The following NXPE4 variants were observed in gnomAD, a reference collection of about 807,000 sequenced individuals.
NXPE4 encodes the protein NXPE family member 4.
A neutral mutation model predicts 33.3 loss-of-function variants in NXPE4; 42 were observed. The ratio of observed to expected loss-of-function variants is 1.26; its 90% CI spans 0.98 to 1.63. NXPE4 has a LOEUF of 1.63. NXPE4 is among the 40% of genes most tolerant of loss of function. The pLI, the probability that NXPE4 is intolerant of heterozygous loss-of-function variation, is 0.00. For synonymous variants in NXPE4, 253 were observed against 234.9 expected (o/e 1.08, Z -0.71); for missense variants, 709 against 647.6 (o/e 1.09, Z -1.03).
rs184148077 is a variant in NXPE4 at position 114,580,305 on chromosome 11, A to C, written c.926T>G (p.Phe309Cys). The change falls in exon 5 of 6, where the codon TTT (phenylalanine) becomes TGT (cysteine). Residue 309 changes from phenylalanine to cysteine, a missense_variant. Physicochemically the swap from Phe to Cys is radical, Grantham distance 205. Coordinates refer to ENST00000375478, the MANE Select transcript of NXPE4 (RefSeq NM_001077639.2). ...ACTGGGGATTGTGGATGTCATTCCA[A>C]ACTTGCATTTCTCTTTCATTGCAAC... ...ETVAMKEKCK[F>C]GMTSTIPSGH... 2 of 1,614,046 alleles carry C rather than the reference A, an allele frequency of 1.2e-6. No homozygotes were observed. The highest frequency in any genetic ancestry group is 3.3e-5 in the Admixed American group (2 of 60,022).
the NXPE4 span, among the ~76,000 whole-genome samples, chr11:114,632,433 T>C: frequency 1.5e-5 from 2 of 130,646 alleles, no homozygotes; most frequent in Non-Finnish European, 3.1e-5. Flanking sequence ...TAAATATAAA[T>C]ATATAATATA....
chr11:114,599,342 G>A (rs926273053), upstream of NXPE4, among the ~76,000 whole-genome samples: 1 of 152,052 alleles, frequency 6.6e-6, no homozygotes, highest in African/African-American at 2.4e-5. Flanking sequence ...GTATTTTGGT[G>A]GCAACAATTT....
At chr11:114,652,089 A>G in the NXPE4 span, among the ~76,000 whole-genome samples, 2 of 152,146 alleles carry the variant, frequency 1.3e-5, no homozygotes, top group African/African-American at 2.4e-5. Flanking sequence ...CCAATACTTA[A>G]ATTTTTTTTT....
chr11:114,656,368 A>G, the NXPE4 span, among the ~76,000 whole-genome samples: 9 of 152,198 alleles, frequency 5.9e-5, no homozygotes, highest in South Asian at 1.9e-3. Context: ...AGTAATTTAT[A>G]GATTCAGTGC....
chr11:114,625,527 A>G, the NXPE4 span, among the ~76,000 whole-genome samples: 1 of 151,560 alleles, frequency 6.6e-6, no homozygotes, highest in Non-Finnish European at 1.5e-5. Context: ...GATAATAAGT[A>G]TTGCCTCATG....
chr11:114,653,805 G>A, the NXPE4 span, among the ~76,000 whole-genome samples: 1 of 151,994 alleles, frequency 6.6e-6, no homozygotes, highest in Non-Finnish European at 1.5e-5. Context: ...TGGGATTACA[G>A]GCGTGAGCCA....
chr11:114,663,204 GC>G, the NXPE4 span, among the ~76,000 whole-genome samples: 1 of 152,080 alleles, frequency 6.6e-6, no homozygotes, highest in African/African-American at 2.4e-5. Context: ...AGGTTGAAGT[GC>G]CTCTTTGGAA....
At chr11:114,671,357 A>C in the NXPE4 span, among the ~76,000 whole-genome samples, 1 of 151,996 alleles carries the variant, frequency 6.6e-6, no homozygotes, top group South Asian at 2.1e-4. Flanking sequence ...ATAGGGAGAA[A>C]GGACCAGAAA....
upstream of NXPE4, among the ~76,000 whole-genome samples, chr11:114,600,100 A>G (rs1269989409): frequency 6.6e-6 from 1 of 152,216 alleles, no homozygotes; most frequent in Non-Finnish European, 1.5e-5. Flanking sequence ...AATATGTGCT[A>G]ATGAATACTA....
chr11:114,673,536 A>T, the NXPE4 span, among the ~76,000 whole-genome samples: 1 of 151,822 alleles, frequency 6.6e-6, no homozygotes. Context: ...ACCAAAAAAA[A>T]GTCCTTTCAA....
At chr11:114,584,319 TA>T in intron 2 of NXPE4, 1 of 501,584 alleles carries the variant, frequency 2.0e-6, no homozygotes, top group Non-Finnish European at 4.0e-6. Context: ...ACCAGAACAC[TA>T]ATGAGTACCT....
chr11:114,637,781 G>C, the NXPE4 span, among the ~76,000 whole-genome samples: 1 of 151,920 alleles, frequency 6.6e-6, no homozygotes, highest in East Asian at 1.9e-4. Flanking sequence ...TAAGAATGTT[G>C]AATATTGGCC....
At chr11:114,574,265 G>T (rs1228099016) in intron 5 of NXPE4, among the ~76,000 whole-genome samples, 2 of 151,808 alleles carry the variant, frequency 1.3e-5, no homozygotes, top group Non-Finnish European at 2.9e-5. Flanking sequence ...GTCTGAGAGG[G>T]CACAAATAGA....
chr11:114,631,249 A>C, the NXPE4 span, among the ~76,000 whole-genome samples: 1 of 151,926 alleles, frequency 6.6e-6, no homozygotes, highest in Admixed American at 6.6e-5. Context: ...CATTATTCAC[A>C]ATAGCAAAGA....
the NXPE4 span, among the ~76,000 whole-genome samples, chr11:114,608,716 A>G: frequency 2.6e-5 from 4 of 151,976 alleles, no homozygotes; most frequent in East Asian, 7.8e-4. Context: ...GTGGATAATA[A>G]GTACTGCCTC....
the NXPE4 span, among the ~76,000 whole-genome samples, chr11:114,602,049 A>C: frequency 1.3e-4 from 12 of 91,776 alleles, no homozygotes; most frequent in East Asian, 2.7e-3. Context: ...AATATATATT[A>C]TATTATATAT....
At chr11:114,670,884 T>C in the NXPE4 span, among the ~76,000 whole-genome samples, 1 of 151,356 alleles carries the variant, frequency 6.6e-6, no homozygotes, top group Non-Finnish European at 1.5e-5. Context: ...GGAAACCGCC[T>C]CTGAGAGGGC....
the NXPE4 span, among the ~76,000 whole-genome samples, chr11:114,635,086 C>G: frequency 6.6e-6 from 1 of 151,704 alleles, no homozygotes; most frequent in African/African-American, 2.4e-5. Flanking sequence ...TTGATTCTTC[C>G]TACCCATGAG....
the NXPE4 span, among the ~76,000 whole-genome samples, chr11:114,621,336 TAA>T: frequency 6.6e-6 from 1 of 152,136 alleles, no homozygotes; most frequent in Non-Finnish European, 1.5e-5. Flanking sequence ...CGCTGGATAA[TAA>T]GTGTTGCCTC....
Sources: gnomAD v4.1 joint callset for allele counts (sites outside exome capture counted in the v4.1 genomes callset) on GRCh38, gnomAD v4.1.1 for gene constraint, MANE v1.5 for transcripts, NCBI Gene and HGNC (gene_info 2026-07-23, HGNC 2026-07-21) for gene names.